Variants in RAB30 observed in about 807,000 individuals in gnomAD.
The protein encoded by RAB30 is ras-related protein Rab-30.
In RAB30, 9 loss-of-function variants were observed where a neutral mutation model predicts 25.1. The ratio of observed to expected loss-of-function variants is 0.36; its 90% CI spans 0.22 to 0.63. The LOEUF is 0.63. RAB30 is among the 20% of genes least tolerant of loss of function. The pLI is 0.69. For synonymous variants in RAB30, 77 were observed against 86.4 expected, an observed-to-expected ratio of 0.89 and a Z score of 0.60; for missense variants, 140 against 243.5, an observed-to-expected ratio of 0.58 and a Z score of 2.83.
chr11:83,042,907 C>CA (rs1209532873), intron 1 of RAB30, among the ~76,000 whole-genome samples: 1 of 152,188 alleles, frequency 6.6e-6, no homozygotes, highest in African/African-American at 2.4e-5. Context: ...AAAACAACTA[C>CA]ATTTAATGTG....
At chr11:83,022,954 T>C (rs901767596) in intron 1 of RAB30, among the ~76,000 whole-genome samples, 1 of 145,410 alleles carries the variant, frequency 6.9e-6, no homozygotes, top group African/African-American at 2.6e-5. Flanking sequence ...CATATATGTA[T>C]ATATGCATAT....
intron 1 of RAB30, among the ~76,000 whole-genome samples, chr11:83,015,161 AT>A (rs1197071861): frequency 3.3e-5 from 5 of 152,168 alleles, no homozygotes; most frequent in Non-Finnish European, 5.9e-5. Flanking sequence ...CATTTTTAAA[AT>A]TTTTTTCTAG....
rs927125150 is a variant in RAB30, at chr11:82,973,192, GT to G, written c.*8972del. 1.3e-4 allele frequency: 20 copies of G among 152,182 alleles called. No homozygotes were observed. Among genetic ancestry groups the G allele is most frequent in the African/African-American group, 2.9e-4 (12 of 41,504 alleles). The allele number at this position is 152,182 out of a possible 1,614,324, so 9.4% of individuals were successfully genotyped here. ...TACATGGGAAAGCAATTTCCATTTA[GT>G]TTTTTTAAAAAATTGTTACAAATAA... On this transcript the variant is annotated 3_prime_UTR_variant, in exon 5 of 5. Coordinates refer to ENST00000527633, the MANE Select transcript of RAB30 (RefSeq NM_001286060.2).
chr11:83,021,765 C>G (rs1188121442), intron 1 of RAB30, among the ~76,000 whole-genome samples: 1 of 152,200 alleles, frequency 6.6e-6, no homozygotes, highest in Admixed American at 6.5e-5. Flanking sequence ...AAAGCAACGC[C>G]CCAAAGATCC....
rs1856615383 is a variant in RAB30 at position 82,980,242 on chromosome 11, A to T, written c.*1923T>A. 6.6e-6 allele frequency: 1 copy of T among 152,198 alleles called. No individual in the cohort carries two copies. The highest frequency in any genetic ancestry group is 2.1e-4 in the South Asian group (1 of 4,832). The allele number at this position is 152,198 out of a possible 1,614,324, so 9.4% of individuals were successfully genotyped here. On this transcript the variant is annotated 3_prime_UTR_variant, in exon 5 of 5. Transcript: ENST00000527633. ...AATTATTTTGGTTTTTATTAAAATG[A>T]CTTTTCTTTCCTGCAGAGACAGATT... is the stretch of plus-strand genomic sequence containing the variant.
chr11:83,005,552 G>A (rs942693525), intron 1 of RAB30, among the ~76,000 whole-genome samples: 4 of 152,180 alleles, frequency 2.6e-5, no homozygotes, highest in Non-Finnish European at 5.9e-5. Flanking sequence ...AAAAAATTAA[G>A]TTGGAGGTCT....
chr11:83,001,046 C>CAAGA (rs1417350335), intron 1 of RAB30, among the ~76,000 whole-genome samples: 7 of 53,638 alleles, frequency 1.3e-4, no homozygotes, highest in Non-Finnish European at 2.0e-4. Context: ...GACTCCGTCT[C>CAAGA]AAAAAAAAAA....
chr11:83,067,890 C>T (rs910445235), intron 1 of RAB30, among the ~76,000 whole-genome samples: 5 of 152,236 alleles, frequency 3.3e-5, no homozygotes, highest in Non-Finnish European at 7.4e-5. Context: ...CTTTGGGAGG[C>T]TGAGGCGGGT....
chr11:82,993,257 C>A (rs1283540155), intron 3 of RAB30, among the ~76,000 whole-genome samples: 1 of 152,146 alleles, frequency 6.6e-6, no homozygotes, highest in Non-Finnish European at 1.5e-5. Flanking sequence ...GTGGGGTGTA[C>A]TGGTTGGTGA....
chr11:83,005,445 C>T (rs1248098598), intron 1 of RAB30, among the ~76,000 whole-genome samples: 1 of 152,094 alleles, frequency 6.6e-6, no homozygotes, highest in African/African-American at 2.4e-5. Context: ...TCCCATTATA[C>T]AGATAAGAAA....
chr11:83,051,860 T>C (rs937053474), intron 1 of RAB30, among the ~76,000 whole-genome samples: 1 of 152,328 alleles, frequency 6.6e-6, no homozygotes, highest in African/African-American at 2.4e-5. Flanking sequence ...TCCCAGAATC[T>C]ATTGGAAAAT....
At chr11:82,998,431 C>T (rs1324319868) in intron 1 of RAB30, among the ~76,000 whole-genome samples, 1 of 151,732 alleles carries the variant, frequency 6.6e-6, no homozygotes, top group Non-Finnish European at 1.5e-5. Flanking sequence ...CCCTGTAATC[C>T]CAGCTACTCA....
At chr11:83,000,081 G>A (rs561252170) in intron 1 of RAB30, among the ~76,000 whole-genome samples, 3 of 152,200 alleles carry the variant, frequency 2.0e-5, no homozygotes, top group South Asian at 2.1e-4. Flanking sequence ...TGAGGGGGAC[G>A]CTATACTATT....
chr11:82,989,021 C>T (rs1014315198), intron 3 of RAB30, among the ~76,000 whole-genome samples: 23 of 152,056 alleles, frequency 1.5e-4, no homozygotes, highest in African/African-American at 5.3e-4. Context: ...CTGAAAGCTT[C>T]ATGAGGGAGA....
In RAB30 at chr11:82,980,665, G is replaced by A. The variant is rs1856621307; in HGVS notation, c.*1500C>T. 6.6e-6 allele frequency: 1 copy of A among 152,130 alleles called. No homozygotes were observed. Among genetic ancestry groups the A allele is most frequent in the Admixed American group, 6.6e-5 (1 of 15,258 alleles). 9.4% of individuals were successfully genotyped at this position (152,130 alleles called of 1,614,324 possible). ...TTTCCCAATTTGCATTTATATCAGT[G>A]AACAAATTGGAAGCTATCAAAGTAT... On this transcript the variant is annotated 3_prime_UTR_variant, in exon 5 of 5. Coordinates refer to ENST00000527633, the MANE Select transcript of RAB30 (RefSeq NM_001286060.2).
chr11:83,054,771 G>A (rs1858423819), intron 1 of RAB30, among the ~76,000 whole-genome samples: 1 of 152,142 alleles, frequency 6.6e-6, no homozygotes, highest in African/African-American at 2.4e-5. Flanking sequence ...GGAGGCTGAG[G>A]TGGGCAGACT....
At position 82,978,028 on chromosome 11, in the gene RAB30, C is replaced by A. The variant is rs1856574280; in HGVS notation, c.*4137G>T. On this transcript the variant is annotated 3_prime_UTR_variant, in exon 5 of 5. Transcript: ENST00000527633. ...GAAAGTAAAGAAAACATATCCCTCC[C>A]TTATCCCAAAATTAGTGTTTAACCA... 6.6e-6 allele frequency: 1 copy of A among 152,182 alleles called. No homozygotes were observed. The highest frequency in any genetic ancestry group is 1.5e-5 in the Non-Finnish European group (1 of 68,026). 9.4% of individuals were successfully genotyped at this position (152,182 alleles called of 1,614,324 possible). A position where few individuals can be genotyped will look rare whatever the true frequency, so the allele number is the denominator to read the frequency against.
intron 1 of RAB30, among the ~76,000 whole-genome samples, chr11:83,030,522 G>T (rs1468604351): frequency 6.6e-6 from 1 of 151,936 alleles, no homozygotes; most frequent in Non-Finnish European, 1.5e-5. Flanking sequence ...TTTTGGCTGC[G>T]TGTGGTAGCT....
Position 82,976,762 on chromosome 11 carries a change from T to C in RAB30, c.*5403A>G, listed in dbSNP as rs1336933252. On this transcript the variant is annotated 3_prime_UTR_variant, in exon 5 of 5. Coordinates refer to ENST00000527633, the MANE Select transcript of RAB30 (RefSeq NM_001286060.2). ...ATAAAAAAAGACCAATGAAGAGCCG[T>C]CTATCAGCCTTGCAAGGGTGAAAGT... 2 of 152,152 alleles carry C rather than the reference T, an allele frequency of 1.3e-5. No homozygotes were observed. The highest frequency in any genetic ancestry group is 2.9e-5 in the Non-Finnish European group (2 of 68,026). The allele number at this position is 152,152 out of a possible 1,614,324, so 9.4% of individuals were successfully genotyped here.
Sources: allele counts gnomAD v4.1 joint callset (sites outside exome capture counted in the v4.1 genomes callset), GRCh38; gene constraint gnomAD v4.1.1; transcripts MANE v1.5; gene names NCBI Gene and HGNC (gene_info 2026-07-23, HGNC 2026-07-21).